The following SULF2 variants were observed in gnomAD, a reference collection of about 807,000 sequenced individuals.
SULF2 encodes extracellular sulfatase Sulf-2.
In SULF2, 52 loss-of-function variants were observed where a neutral mutation model predicts 107.7. That is an observed-to-expected ratio of 0.48 (90% CI 0.39 to 0.61). SULF2 has a LOEUF of 0.61. Among genes scored for constraint, SULF2 ranks in the 20% least tolerant of loss-of-function variants. SULF2 has a pLI of 0.00. For missense variants in SULF2, 993 were observed against 1,177.3 expected (o/e 0.84, Z 2.29); for synonymous variants, 460 against 464.3 (o/e 0.99, Z 0.12).
At chr20:47,677,027 G>A in intron 9 of SULF2, 51 bp downstream of exon 9, 1 of 1,596,252 alleles carries the variant, frequency 6.3e-7, no homozygotes, top group Non-Finnish European at 8.6e-7. Context: ...AGCTTCCTGG[G>A]CAGAGGGAGG....
intron 8 of SULF2, among the ~76,000 whole-genome samples, chr20:47,677,432 G>A (rs1345602182): frequency 7.5e-5 from 7 of 93,082 alleles, no homozygotes; most frequent in South Asian, 3.4e-4. Flanking sequence ...GTGTGTGTGC[G>A]CGCACACACA....
intron 3 of SULF2, among the ~76,000 whole-genome samples, chr20:47,721,146 G>GA (rs5841705): frequency 2.0e-5 from 3 of 151,104 alleles, no homozygotes; most frequent in Admixed American, 6.6e-5. Flanking sequence ...TTCTGCTTTT[G>GA]AAAAAAAAAA....
intron 3 of SULF2, among the ~76,000 whole-genome samples, chr20:47,727,572 G>A (rs78055051): frequency 0.12 from 18,310 of 152,180 alleles, 1,205 homozygotes; most frequent in East Asian, 0.28. Context: ...AGAGGGTGTC[G>A]CCTGGAAACA....
rs746973679 is a variant in SULF2, at chr20:47,690,151, G to C, written c.712C>G (p.Leu238Val). 9.1e-6 allele frequency: 14 copies of C among 1,531,578 alleles called. No homozygotes were observed. Among genetic ancestry groups the C allele is most frequent in the Non-Finnish European group, 1.2e-5 (14 of 1,134,726 alleles). 94.9% of individuals were successfully genotyped at this position (1,531,578 alleles called of 1,614,324 possible). A position where few individuals can be genotyped will look rare whatever the true frequency, so the allele number is the denominator to read the frequency against. Residue 238 changes from leucine (L) to valine (V), a missense_variant, in exon 5 of 21, where the codon CTC becomes GTC. By Grantham distance (32) the Leu-to-Val change is conservative. This residue lies in a region of SULF2 where 388 missense variants were observed against 449.2 expected (regional missense o/e 0.86). Coordinates refer to ENST00000688720, the MANE Select transcript of SULF2 (RefSeq NM_001387048.1). ...PEDSAPQYSR[L>V]FPNASQHITP... ...ATGTGCTGAGATGCGTTTGGGAAGAGGCGTGAATATTGTGGGGCTGAATCC... is the reference window on the plus strand; with the variant it reads ...ATGTGCTGAGATGCGTTTGGGAAGACGCGTGAATATTGTGGGGCTGAATCC...
chr20:47,721,793 G>C (rs2089304332), intron 3 of SULF2, among the ~76,000 whole-genome samples: 1 of 152,202 alleles, frequency 6.6e-6, no homozygotes, highest in Non-Finnish European at 1.5e-5. Flanking sequence ...CCCTTTCTCA[G>C]CCTTACATGT....
At chr20:47,695,094 C>T (rs1020682540) in intron 4 of SULF2, among the ~76,000 whole-genome samples, 5 of 152,222 alleles carry the variant, frequency 3.3e-5, no homozygotes, top group African/African-American at 1.2e-4. Flanking sequence ...AAGGGCCAGA[C>T]AGTAAATATT....
At chr20:47,660,339 T>C (rs1276455790) in intron 18 of SULF2, among the ~76,000 whole-genome samples, 1 of 152,194 alleles carries the variant, frequency 6.6e-6, no homozygotes, top group Non-Finnish European at 1.5e-5. Context: ...CTAGTGAAAA[T>C]TCTGATCATA....
intron 1 of SULF2, among the ~76,000 whole-genome samples, chr20:47,770,515 A>C (rs1183674429): frequency 6.6e-6 from 1 of 152,242 alleles, no homozygotes; most frequent in Non-Finnish European, 1.5e-5. Flanking sequence ...TGAATGAATG[A>C]ATAACTGCAC....
chr20:47,698,075 C>T (rs980899301), intron 4 of SULF2, among the ~76,000 whole-genome samples: 1 of 152,226 alleles, frequency 6.6e-6, no homozygotes, highest in Non-Finnish European at 1.5e-5. Context: ...AGGCCGGGGG[C>T]GGCTTCTGCC....
At chr20:47,741,785 C>T (rs2089888832) in intron 2 of SULF2, among the ~76,000 whole-genome samples, 1 of 152,238 alleles carries the variant, frequency 6.6e-6, no homozygotes, top group African/African-American at 2.4e-5. Flanking sequence ...TGGCCACCCA[C>T]CTAACTGGTC....
intron 2 of SULF2, among the ~76,000 whole-genome samples, chr20:47,755,426 G>A (rs1480094350): frequency 1.3e-5 from 2 of 152,184 alleles, no homozygotes; most frequent in Admixed American, 6.5e-5. Context: ...TCAGACATGA[G>A]ACTTAGCTGG....
rs771241973 is a variant in SULF2, at chr20:47,664,207, A to C, written c.1998-18T>G. The C allele has an allele frequency of 1.2e-6, 2 of 1,607,568 alleles. No homozygotes were observed. The highest frequency in any genetic ancestry group is 3.4e-5 in the Admixed American group (2 of 59,446). On this transcript the variant is annotated intron_variant, in intron 14 of 20. Coordinates refer to ENST00000688720, the MANE Select transcript of SULF2 (RefSeq NM_001387048.1). The stretch of plus-strand genomic sequence containing the variant: ...TGTGGTAGCTGTAACAGACCCCCCC[A>C]GCCCCAGGCTTCAGGAGTGGCTCAG...
intron 4 of SULF2, among the ~76,000 whole-genome samples, chr20:47,690,731 G>A (rs1239044010): frequency 1.3e-5 from 2 of 152,002 alleles, no homozygotes; most frequent in African/African-American, 4.8e-5. Context: ...TTAGCCAGGC[G>A]TGGTGGTAAA....
At chr20:47,658,453 T>TA in intron 20 of SULF2, 61 bp from the exon 21 acceptor site, 1 of 1,528,806 alleles carries the variant, frequency 6.5e-7, no homozygotes, top group Non-Finnish European at 9.1e-7. Context: ...CATGACTTCC[T>TA]AATCGGTCCT....
chr20:47,691,360 C>G (rs947123664), intron 4 of SULF2, among the ~76,000 whole-genome samples: 3 of 152,132 alleles, frequency 2.0e-5, no homozygotes, highest in African/African-American at 7.2e-5. Context: ...GAGGAGGTGA[C>G]ATTTGAGTTG....
At chr20:47,712,580 C>G (rs753333967) in intron 3 of SULF2, among the ~76,000 whole-genome samples, 1 of 152,196 alleles carries the variant, frequency 6.6e-6, no homozygotes, top group African/African-American at 2.4e-5. Context: ...CAGTACCTGG[C>G]CCAGAGTGTG....
chr20:47,712,056 T>C (rs919003852), intron 3 of SULF2, among the ~76,000 whole-genome samples: 5 of 152,136 alleles, frequency 3.3e-5, no homozygotes, highest in South Asian at 2.1e-4. Flanking sequence ...ATACACAACA[T>C]ACACATATAC....
chr20:47,689,899 C>G, intron 5 of SULF2: 2 of 386,666 alleles, frequency 5.2e-6, no homozygotes, highest in Non-Finnish European at 9.0e-6. Context: ...GGTGGGAGGC[C>G]GTGTATCCCA....
intron 3 of SULF2, among the ~76,000 whole-genome samples, chr20:47,715,757 T>C (rs1268012133): frequency 6.6e-6 from 1 of 152,106 alleles, no homozygotes; most frequent in Admixed American, 6.5e-5. Flanking sequence ...AATTTTTGTA[T>C]TGTTAGTAGA....
Sources: allele counts gnomAD v4.1 joint callset (sites outside exome capture counted in the v4.1 genomes callset), GRCh38; gene constraint gnomAD v4.1.1; regional missense constraint gnomAD v4.1.1; transcripts MANE v1.5; gene names NCBI Gene and HGNC (gene_info 2026-07-23, HGNC 2026-07-21).